Variants in DNAAF4 observed in about 807,000 individuals in gnomAD.
DNAAF4 encodes dynein axonemal assembly factor 4, also known as dynein assembly factor 4, axonemal.
Under a neutral mutation model 51.8 loss-of-function variants are expected in DNAAF4, and 43 were observed. That is an observed-to-expected ratio of 0.83 (90% CI 0.65 to 1.07). The LOEUF is 1.07. Among genes scored for constraint, DNAAF4 ranks in the 50% least tolerant of loss-of-function variants. The probability of loss-of-function intolerance (pLI) is 0.00; values close to 1 mark genes in which losing one functional copy is unlikely to be tolerated. For synonymous variants in DNAAF4, 194 were observed against 165.6 expected (o/e 1.17, Z -1.32); for missense variants, 581 against 493.0 (o/e 1.18, Z -1.69).
intron 5 of DNAAF4, among the ~76,000 whole-genome samples, chr15:55,455,280 C>T (rs649709): frequency 0.98 from 146,608 of 149,196 alleles, 72,079 homozygotes; most frequent in East Asian, 1. Flanking sequence ...AGGTCTGGTA[C>T]AATTTGGTAT....
chr15:55,479,048 C>T (rs932496346), intron 4 of DNAAF4, among the ~76,000 whole-genome samples: 1 of 151,614 alleles, frequency 6.6e-6, no homozygotes, highest in Non-Finnish European at 1.5e-5. Context: ...AAAGGATATG[C>T]AGTCTAAGTA....
intron 4 of DNAAF4, among the ~76,000 whole-genome samples, chr15:55,486,047 A>G (rs913242426): frequency 3.3e-5 from 5 of 150,870 alleles, no homozygotes; most frequent in African/African-American, 7.3e-5. Flanking sequence ...AGCGAAGAGG[A>G]AAAAAAAGCA....
At chr15:55,479,591 C>A (rs992124530) in intron 4 of DNAAF4, among the ~76,000 whole-genome samples, 8 of 152,050 alleles carry the variant, frequency 5.3e-5, no homozygotes, top group African/African-American at 1.9e-4. Context: ...TCTGTGGGGT[C>A]AGGCAAAAAG....
At chr15:55,428,410 T>C (rs542849489), downstream of DNAAF4, among the ~76,000 whole-genome samples, 534 of 151,556 alleles carry the variant, frequency 3.5e-3, no homozygotes, top group Non-Finnish European at 6.2e-3. Context: ...CACCCAGGAA[T>C]GAACAAGGAC....
downstream of DNAAF4, among the ~76,000 whole-genome samples, chr15:55,425,689 G>A (rs774902723): frequency 6.6e-6 from 1 of 152,066 alleles, no homozygotes; most frequent in African/African-American, 2.4e-5. Flanking sequence ...TCTGTATTAG[G>A]ACTAATATTT....
chr15:55,452,460 A>C (rs2057951066), intron 5 of DNAAF4, among the ~76,000 whole-genome samples: 1 of 152,014 alleles, frequency 6.6e-6, no homozygotes, highest in East Asian at 1.9e-4. Context: ...GTGTTTATAA[A>C]AAATATTACA....
At chr15:55,479,664 A>C (rs1482593693) in intron 4 of DNAAF4, among the ~76,000 whole-genome samples, 1 of 152,108 alleles carries the variant, frequency 6.6e-6, no homozygotes, top group Non-Finnish European at 1.5e-5. Flanking sequence ...ACATATCGCT[A>C]AATTCTTTTC....
At chr15:55,439,820 C>G (rs1278933568) in intron 6 of DNAAF4, among the ~76,000 whole-genome samples, 1 of 151,940 alleles carries the variant, frequency 6.6e-6, no homozygotes, top group Non-Finnish European at 1.5e-5. Context: ...GAGGAGAGCT[C>G]CCAAAACGAG....
Position 55,422,619 on chromosome 15 carries a change from A to G in DNAAF4, c.1048-4486T>C, listed in dbSNP as rs1044127843. ...GAGAGGGAATGACCCAGCAGTGTGA[A>G]ATTATCTTGGGAGATATAGCATATG... On this transcript the variant is annotated intron_variant, in intron 7 of 7. Transcript: ENST00000448430. Among the ~76,000 whole-genome samples the G allele has an allele frequency of 3.3e-5, 5 of 152,172 alleles. No individual in the cohort carries two copies. The South Asian group carries it at 1.0e-3, about 31-fold the overall frequency.
chr15:55,421,903 ATAATAAT>A (rs1287486175), intron 7 of DNAAF4, among the ~76,000 whole-genome samples: 1 of 8,908 alleles, frequency 1.1e-4, no homozygotes, highest in African/African-American at 9.3e-4. Flanking sequence ...AAAATGTATA[ATAATAAT>A]AATAATAATA....
chr15:55,454,368 A>C (rs1190558026), intron 5 of DNAAF4, among the ~76,000 whole-genome samples: 1 of 151,754 alleles, frequency 6.6e-6, no homozygotes, highest in African/African-American at 2.4e-5. Context: ...CAATAATGTA[A>C]TATTTGTTTG....
chr15:55,490,902 C>T (rs1047644696), intron 4 of DNAAF4: 7 of 382,256 alleles, frequency 1.8e-5, no homozygotes, highest in African/African-American at 1.5e-4. Flanking sequence ...TGCAGTGAGC[C>T]CAGATCACCG....
intron 7 of DNAAF4, among the ~76,000 whole-genome samples, chr15:55,420,086 C>T (rs575718332): frequency 4.6e-5 from 7 of 152,208 alleles, no homozygotes; most frequent in African/African-American, 1.7e-4. Flanking sequence ...GTAAAGTAGG[C>T]AGTATGCACA....
intron 1 of DNAAF4, among the ~76,000 whole-genome samples, chr15:55,506,219 T>C (rs1433552965): frequency 1.3e-5 from 2 of 152,092 alleles, no homozygotes; most frequent in African/African-American, 4.8e-5. Context: ...ACAAAATATA[T>C]AGAGAAAAAG....
rs965653480 is a variant in DNAAF4, at chr15:55,430,415, A to C, written c.*255T>G. 5.9e-6 allele frequency: 6 copies of C among 1,011,834 alleles called. No individual in the cohort carries two copies. In the African/African-American group the frequency reaches 1.0e-4, roughly 17 times the overall value. 62.7% of individuals were successfully genotyped at this position (1,011,834 alleles called of 1,614,324 possible). On this transcript the variant is annotated 3_prime_UTR_variant, in exon 10 of 10. Coordinates refer to ENST00000321149, the MANE Select transcript of DNAAF4 (RefSeq NM_130810.4). ...TTTGTTACAAGGGCAAGCTTAATTC[A>C]GTAACACAAAAAAGTATACATATGT...
At chr15:55,449,231 C>G (rs2057892491) in intron 6 of DNAAF4, among the ~76,000 whole-genome samples, 1 of 150,110 alleles carries the variant, frequency 6.7e-6, no homozygotes, top group Non-Finnish European at 1.5e-5. Flanking sequence ...CTCAGGTGAT[C>G]CACCCACCTC....
chr15:55,429,623 C>T (rs1188979885), downstream of DNAAF4, among the ~76,000 whole-genome samples: 2 of 151,806 alleles, frequency 1.3e-5, no homozygotes, highest in Non-Finnish European at 2.9e-5. Context: ...TGAGACCATC[C>T]TGGCTAACAT....
At chr15:55,444,593 G>A (rs963473926) in intron 6 of DNAAF4, among the ~76,000 whole-genome samples, 3 of 152,170 alleles carry the variant, frequency 2.0e-5, no homozygotes, top group Non-Finnish European at 4.4e-5. Context: ...AAAGTCACTG[G>A]TAGCTTGATG....
intron 4 of DNAAF4, among the ~76,000 whole-genome samples, chr15:55,487,127 T>A (rs966596361): frequency 2.6e-5 from 4 of 152,190 alleles, no homozygotes; most frequent in Non-Finnish European, 5.9e-5. Context: ...CTGGGTCAAG[T>A]GGGGACTTGG....
Sources: gnomAD v4.1 joint callset for allele counts (sites outside exome capture counted in the v4.1 genomes callset) on GRCh38, gnomAD v4.1.1 for gene constraint, MANE v1.5 for transcripts, NCBI Gene and HGNC (gene_info 2026-07-23, HGNC 2026-07-21) for gene names.